PACRG: variants seen among roughly 807,000 people sequenced by gnomAD.
PACRG encodes the protein parkin coregulated.
PACRG carries 29 observed loss-of-function variants against 29.7 expected under a neutral mutation model. The observed-to-expected ratio is 0.98, with a 90% CI of 0.73 to 1.33. The LOEUF (loss-of-function observed/expected upper bound fraction) is 1.33, where lower values mean the gene tolerates loss of function less well. Among genes scored for constraint, PACRG ranks in the 40% most tolerant of loss-of-function variants. PACRG has a pLI of 0.00. For synonymous variants in PACRG, 116 were observed against 118.7 expected (o/e 0.98, Z 0.15); for missense variants, 279 against 316.2 (o/e 0.88, Z 0.89).
intron 1 of PACRG, among the ~76,000 whole-genome samples, chr6:162,780,162 A>C (rs1269999009): frequency 6.6e-6 from 1 of 152,218 alleles, no homozygotes; most frequent in African/African-American, 2.4e-5. Flanking sequence ...AACAGGGGTC[A>C]AGGCTCAACA....
At chr6:162,988,289 G>A (rs938094138) in intron 2 of PACRG, among the ~76,000 whole-genome samples, 5 of 152,124 alleles carry the variant, frequency 3.3e-5, no homozygotes, top group African/African-American at 1.2e-4. Flanking sequence ...ACACAGAGTG[G>A]GATTGGAGCA....
intron 2 of PACRG, among the ~76,000 whole-genome samples, chr6:162,831,598 C>A (rs558169721): frequency 3.9e-5 from 6 of 152,180 alleles, no homozygotes; most frequent in African/African-American, 1.4e-4. Context: ...ATCAACCCAG[C>A]ACCTAGGAAT....
chr6:163,027,597 C>T (rs775834596), intron 2 of PACRG, among the ~76,000 whole-genome samples: 7 of 152,108 alleles, frequency 4.6e-5, no homozygotes, highest in Non-Finnish European at 8.8e-5. Context: ...CCTTAATTCT[C>T]CCCTACACTC....
intron 4 of PACRG, among the ~76,000 whole-genome samples, chr6:163,197,738 T>C (rs11752633): frequency 0.38 from 58,249 of 151,942 alleles, 11,470 homozygotes; most frequent in East Asian, 0.48. Context: ...CCTGAGCCAC[T>C]GAGCCCGCCG....
chr6:163,300,576 A>G (rs1242066975), intron 4 of PACRG, among the ~76,000 whole-genome samples: 1 of 152,234 alleles, frequency 6.6e-6, no homozygotes, highest in Non-Finnish European at 1.5e-5. Context: ...CGTGGCCAGC[A>G]ACGGGCAAGG....
intron 1 of PACRG, among the ~76,000 whole-genome samples, chr6:162,759,649 A>G (rs752972279): frequency 1.1e-4 from 17 of 152,200 alleles, no homozygotes; most frequent in Non-Finnish European, 1.9e-4. Context: ...ACTTTGGGGT[A>G]CAAGAGATGT....
At chr6:162,874,286 T>C (rs538756012) in intron 2 of PACRG, among the ~76,000 whole-genome samples, 1 of 152,120 alleles carries the variant, frequency 6.6e-6, no homozygotes, top group South Asian at 2.1e-4. Context: ...AGACAAACTA[T>C]TTTAATCTTT....
At chr6:162,736,995 A>G (rs999115604) in intron 1 of PACRG, among the ~76,000 whole-genome samples, 1 of 152,192 alleles carries the variant, frequency 6.6e-6, no homozygotes, top group Non-Finnish European at 1.5e-5. Context: ...TGAAATTAGT[A>G]TCTTTCTATA....
chr6:163,139,153 TC>T (rs1467000231), intron 4 of PACRG, among the ~76,000 whole-genome samples: 4 of 152,238 alleles, frequency 2.6e-5, no homozygotes, highest in African/African-American at 9.6e-5. Context: ...GAGAATCCAT[TC>T]CTGGCCTCCC....
intron 2 of PACRG, among the ~76,000 whole-genome samples, chr6:162,993,172 A>G (rs1263091257): frequency 3.3e-5 from 5 of 151,710 alleles, no homozygotes; most frequent in African/African-American, 1.2e-4. Context: ...TATGTGGTCA[A>G]TTTTAGAATA....
chr6:162,891,288 A>C (rs1436850527), intron 2 of PACRG, among the ~76,000 whole-genome samples: 1 of 152,166 alleles, frequency 6.6e-6, no homozygotes, highest in African/African-American at 2.4e-5. Flanking sequence ...CCCTTATCCA[A>C]GTGATCTTGA....
At chr6:162,861,611 G>T (rs1301296540) in intron 2 of PACRG, among the ~76,000 whole-genome samples, 1 of 152,088 alleles carries the variant, frequency 6.6e-6, no homozygotes, top group South Asian at 2.1e-4. Context: ...CACCACAGAG[G>T]GAACGTGGAA....
At chr6:163,147,954 GT>G (rs1287848572) in intron 4 of PACRG, among the ~76,000 whole-genome samples, 4 of 151,962 alleles carry the variant, frequency 2.6e-5, no homozygotes, top group Non-Finnish European at 4.4e-5. Flanking sequence ...TCAATCCTCC[GT>G]GCTGCCTCAT....
At chr6:163,063,103 C>T (rs775158310) in intron 3 of PACRG, among the ~76,000 whole-genome samples, 2 of 152,180 alleles carry the variant, frequency 1.3e-5, no homozygotes, top group Non-Finnish European at 2.9e-5. Context: ...CCCTCACCAG[C>T]ACATCCCCTC....
chr6:163,076,701 T>G (rs2764011), intron 3 of PACRG, among the ~76,000 whole-genome samples: 76,070 of 152,062 alleles, frequency 0.5, 21,953 homozygotes, highest in East Asian at 0.96. Flanking sequence ...TTCTAATTCT[T>G]TGTCTTCGCT....
At chr6:162,807,475 T>G (rs1468537958) in intron 1 of PACRG, among the ~76,000 whole-genome samples, 1 of 152,154 alleles carries the variant, frequency 6.6e-6, no homozygotes, top group South Asian at 2.1e-4. Context: ...GAGTTATTAA[T>G]TGGACTCATT....
At chr6:162,947,471 A>ATCATATATATACTCATATATATATAATC (rs1491221242) in intron 2 of PACRG, among the ~76,000 whole-genome samples, 645 of 12,792 alleles carry the variant, frequency 0.05, 20 homozygotes, top group Middle Eastern at 0.2. Context: ...ATCATATATA[A>ATCATATATATACTCATATATATATAATC]TATATATATA....
intron 4 of PACRG, among the ~76,000 whole-genome samples, chr6:163,254,307 C>A (rs1012094832): frequency 6.6e-6 from 1 of 151,998 alleles, no homozygotes; most frequent in Non-Finnish European, 1.5e-5. Flanking sequence ...AAGAGAAATG[C>A]GCTGATGAAG....
chr6:162,747,341 T>TATAC (rs1562556074), intron 1 of PACRG, among the ~76,000 whole-genome samples: 1 of 68,654 alleles, frequency 1.5e-5, no homozygotes, highest in Non-Finnish European at 2.4e-5. Flanking sequence ...TATATATATA[T>TATAC]ATATATATAT....
Sources: allele counts gnomAD v4.1 joint callset (sites outside exome capture counted in the v4.1 genomes callset), GRCh38; gene constraint gnomAD v4.1.1; transcripts MANE v1.5; gene names NCBI Gene and HGNC (gene_info 2026-07-23, HGNC 2026-07-21).